FRY: variants seen among roughly 807,000 people sequenced by gnomAD.
The protein encoded by FRY is FRY microtubule binding protein.
Under a neutral mutation model 348.4 loss-of-function variants are expected in FRY, and 128 were observed. The ratio of observed to expected loss-of-function variants is 0.37; its 90% confidence interval spans 0.32 to 0.43. The LOEUF (loss-of-function observed/expected upper bound fraction) is 0.43, where lower values mean the gene tolerates loss of function less well. Among genes scored for constraint, FRY ranks in the 20% least tolerant of loss-of-function variants. The probability of loss-of-function intolerance (pLI) is 1.00; values close to 1 mark genes in which losing one functional copy is unlikely to be tolerated. For synonymous variants in FRY, 1,370 were observed against 1,374.7 expected, an observed-to-expected ratio of 1.00 and a Z score of 0.08; for missense variants, 2,736 against 3,695.2, an observed-to-expected ratio of 0.74 and a Z score of 6.73.
chr13:32,271,742 G>A (rs1888215084), intron 55 of FRY, among the ~76,000 whole-genome samples: 1 of 152,234 alleles, frequency 6.6e-6, no homozygotes, highest in Non-Finnish European at 1.5e-5. Context: ...GGGCTGATGT[G>A]CCATTTGTTG....
chr13:32,209,203 T>A, intron 32 of FRY, 94 bp downstream of exon 32: 1 of 1,371,632 alleles, frequency 7.3e-7, no homozygotes, highest in Non-Finnish European at 1.0e-6. Context: ...GGGATTCCTT[T>A]AAAAATCACA....
rs544128291 is a variant in FRY, at chr13:32,075,621, G to A, written c.71-3213G>A. On this transcript the variant is annotated intron_variant, in intron 1 of 60. Coordinates refer to ENST00000542859, the MANE Select transcript of FRY (RefSeq NM_023037.3). ...TTGTGACTCAAATTTGACTACCGGG[G>A]AACATGAGTTTCCTGGTCTGCACTA... Among the ~76,000 whole-genome samples, 30 of 152,270 alleles carry A rather than the reference G, an allele frequency of 2.0e-4. 1 individual carries two copies. Among genetic ancestry groups the A allele is most frequent in the Admixed American group, 1.6e-3 (24 of 15,298 alleles).
intron 2 of FRY, among the ~76,000 whole-genome samples, chr13:32,098,474 A>G (rs1462012105): frequency 6.6e-6 from 1 of 152,074 alleles, no homozygotes; most frequent in African/African-American, 2.4e-5. Context: ...ATTGCACAAG[A>G]TGATGACTGT....
chr13:32,232,582 C>T (rs1470517158), intron 41 of FRY, among the ~76,000 whole-genome samples: 1 of 152,182 alleles, frequency 6.6e-6, no homozygotes, highest in Non-Finnish European at 1.5e-5. Flanking sequence ...GAGGCTGTGC[C>T]ACCCCCTAGG....
At chr13:32,153,586 T>C (rs555836593) in intron 14 of FRY, among the ~76,000 whole-genome samples, 35 of 152,322 alleles carry the variant, frequency 2.3e-4, no homozygotes, top group Non-Finnish European at 4.3e-4. Flanking sequence ...GGAAATATTT[T>C]GGATCTTGAT....
At chr13:32,053,480 G>A (rs536127935) in intron 1 of FRY, among the ~76,000 whole-genome samples, 91 of 152,312 alleles carry the variant, frequency 6.0e-4, no homozygotes, top group African/African-American at 2.1e-3. Flanking sequence ...GTTTCTTTAT[G>A]TATACACCTG....
intron 14 of FRY, among the ~76,000 whole-genome samples, chr13:32,154,134 T>C (rs1370802118): frequency 6.6e-6 from 1 of 152,194 alleles, no homozygotes; most frequent in African/African-American, 2.4e-5. Flanking sequence ...TCTGCTGAAT[T>C]GACCATTTTA....
chr13:32,080,699 A>T (rs923262273), intron 2 of FRY, among the ~76,000 whole-genome samples: 3 of 152,184 alleles, frequency 2.0e-5, no homozygotes, highest in Non-Finnish European at 4.4e-5. Flanking sequence ...AGAGACACTG[A>T]GGCAACCCAG....
At chr13:32,191,340 G>A (rs937602062) in intron 28 of FRY, among the ~76,000 whole-genome samples, 5 of 152,180 alleles carry the variant, frequency 3.3e-5, no homozygotes, top group African/African-American at 1.2e-4. Context: ...ACCATTAAGA[G>A]TGTGAACAGG....
At chr13:32,097,066 T>G (rs2138613374) in intron 2 of FRY, among the ~76,000 whole-genome samples, 1 of 152,236 alleles carries the variant, frequency 6.6e-6, no homozygotes, top group South Asian at 2.1e-4. Context: ...CCATCTAATT[T>G]GTAGTGGGAC....
Position 32,267,151 on chromosome 13 carries a change from T to C in FRY, c.7947-19T>C. On this transcript the variant is annotated intron_variant, in intron 54 of 60. Coordinates refer to ENST00000542859, the MANE Select transcript of FRY (RefSeq NM_023037.3). ...AGAAGGACATCACTTCTTGACATAG[T>C]CGTTTTCATTTTTTCCAGCTTTGGA... is the stretch of plus-strand genomic sequence containing the variant. 1 of 1,607,736 alleles carries C rather than the reference T, an allele frequency of 6.2e-7. No homozygotes were observed. Among genetic ancestry groups the C allele is most frequent in the Non-Finnish European group, 8.5e-7 (1 of 1,174,190 alleles).
chr13:32,116,256 A>G (rs775410734), intron 3 of FRY, among the ~76,000 whole-genome samples: 14 of 152,112 alleles, frequency 9.2e-5, no homozygotes, highest in Non-Finnish European at 1.6e-4. Context: ...GTATATGAAT[A>G]TATCCACTTT....
intron 1 of FRY, among the ~76,000 whole-genome samples, chr13:32,032,404 G>T (rs1256967406): frequency 6.6e-6 from 1 of 152,186 alleles, no homozygotes; most frequent in Non-Finnish European, 1.5e-5. Flanking sequence ...GGCATCTGCA[G>T]ATTTATTTCA....
At position 32,202,470 on chromosome 13, in the gene FRY, C is replaced by T. The variant is rs199599749; in HGVS notation, c.3961C>T (p.Leu1321Phe). ...LPPLYSVSLA[L>F]LSCELARMYP... ...ACCCCTCTACAGCGTGTCACTTGCC[C>T]TCTTGTCATGTGAGCTGGCCAGGAT... Residue 1321 changes from leucine (L) to phenylalanine (F), a missense_variant, in exon 31 of 61, where the codon CTC becomes TTC. Transcript: ENST00000542859. 116 of 1,613,780 alleles carry T rather than the reference C, an allele frequency of 7.2e-5. No individual in the cohort carries two copies. The highest frequency in any genetic ancestry group is 6.1e-5 in the Non-Finnish European group (72 of 1,179,834).
chr13:32,041,946 A>C (rs2138365747), intron 1 of FRY, among the ~76,000 whole-genome samples: 1 of 152,378 alleles, frequency 6.6e-6, no homozygotes, highest in South Asian at 2.1e-4. Flanking sequence ...TCAACTAACA[A>C]TTTAAAATGT....
rs568765803 is a variant in FRY, at chr13:32,239,887, C to CTTTTTTTT, written c.6687+10_6687+17dup. On this transcript the variant is annotated splice_region_variant and intron_variant, in intron 46 of 60. Coordinates refer to ENST00000542859, the MANE Select transcript of FRY (RefSeq NM_023037.3). The surrounding 1 kb of genome is among the most constrained non-coding windows in gnomAD (Gnocchi z 4.3). Reference sequence around the variant, plus strand: ...TGGTTACCTACCTGGCAGAGGTAAGCTTTTTTTTTTTGTTTTTTGAGACAG... The same window carrying CTTTTTTTT: ...TGGTTACCTACCTGGCAGAGGTAAGCTTTTTTTTTTTTTTTTTTTGTTTTTTGAGACAG... 2.4e-6 allele frequency: 3 copies of CTTTTTTTT among 1,260,070 alleles called. No individual in the cohort carries two copies. The highest frequency in any genetic ancestry group is 1.4e-5 in the South Asian group (1 of 73,618). 78.1% of individuals were successfully genotyped at this position (1,260,070 alleles called of 1,614,324 possible).
At chr13:32,051,762 A>G (rs1173668826) in intron 1 of FRY, among the ~76,000 whole-genome samples, 1 of 152,226 alleles carries the variant, frequency 6.6e-6, no homozygotes, top group African/African-American at 2.4e-5. Context: ...AGAAGCGATG[A>G]TAATTTGCGA....
At chr13:32,114,810 A>G (rs573482931) in intron 3 of FRY, among the ~76,000 whole-genome samples, 1 of 152,340 alleles carries the variant, frequency 6.6e-6, no homozygotes, top group Non-Finnish European at 1.5e-5. Context: ...GGATAACTTT[A>G]GAAAGAATTA....
chr13:32,040,477 A>G (rs1872705841), intron 1 of FRY, among the ~76,000 whole-genome samples: 1 of 152,248 alleles, frequency 6.6e-6, no homozygotes, highest in Non-Finnish European at 1.5e-5. Context: ...CTCCTGCACC[A>G]TTAAAGCCAG....
Sources: gnomAD v4.1 joint callset for allele counts (sites outside exome capture counted in the v4.1 genomes callset) on GRCh38, gnomAD v4.1.1 for gene constraint, Gnocchi (gnomAD v3.1) non-coding constraint, MANE v1.5 for transcripts, NCBI Gene and HGNC (gene_info 2026-07-23, HGNC 2026-07-21) for gene names.